The following SRPK2 variants were observed in gnomAD, a reference collection of about 807,000 sequenced individuals.
The protein encoded by SRPK2 is SFRS protein kinase 2.
Under a neutral mutation model 90.8 loss-of-function variants are expected in SRPK2, and 21 were observed. The ratio of observed to expected loss-of-function variants is 0.23; its 90% confidence interval spans 0.16 to 0.33. The LOEUF (loss-of-function observed/expected upper bound fraction) is 0.33, where lower values mean the gene tolerates loss of function less well. SRPK2 is among the 10% of genes least tolerant of loss of function. SRPK2 has a pLI of 1.00. For missense variants in SRPK2, 620 were observed against 869.0 expected, an observed-to-expected ratio of 0.71 and a Z score of 3.60; for synonymous variants, 288 against 311.1, an observed-to-expected ratio of 0.93 and a Z score of 0.78.
intron 2 of SRPK2, among the ~76,000 whole-genome samples, chr7:105,213,871 C>T (rs1456158800): frequency 6.6e-6 from 1 of 152,124 alleles, no homozygotes; most frequent in African/African-American, 2.4e-5. Context: ...TTTACACAAG[C>T]CTTCTGCAAA....
In SRPK2 at chr7:105,131,139, A is replaced by C. The variant is rs1008233697; in HGVS notation, c.1752+1652T>G. 3.3e-5 allele frequency among the ~76,000 whole-genome samples: 5 copies of C among 152,204 alleles called. No individual in the cohort carries two copies. The East Asian group carries it at 7.7e-4, about 23-fold the overall frequency. On this transcript the variant is annotated intron_variant, in intron 13 of 15. Transcript: ENST00000393651. The stretch of plus-strand genomic sequence containing the variant: ...TTTTTCTGGTTATATCACCAAACTT[A>C]ATACCCCAAATTAGAAGCACAGCAT...
intron 2 of SRPK2, among the ~76,000 whole-genome samples, chr7:105,247,316 G>GTTT (rs1801799139): frequency 6.6e-6 from 1 of 151,972 alleles, no homozygotes; most frequent in East Asian, 1.9e-4. Context: ...TCACTTTTTC[G>GTTT]TCTGTAAAAT....
At chr7:105,222,277 T>C (rs985045257) in intron 2 of SRPK2, among the ~76,000 whole-genome samples, 4 of 152,238 alleles carry the variant, frequency 2.6e-5, no homozygotes, top group African/African-American at 4.8e-5. Flanking sequence ...AGAATCTTTA[T>C]TGGCAGTTAA....
intron 2 of SRPK2, chr7:105,306,733 T>G (rs1811188470): frequency 9.7e-6 from 2 of 205,138 alleles, no homozygotes; most frequent in South Asian, 6.9e-5. Flanking sequence ...ATCTCTAACT[T>G]AAGTGGAGAA....
intron 2 of SRPK2, among the ~76,000 whole-genome samples, chr7:105,373,129 C>G (rs1819884324): frequency 6.6e-6 from 1 of 152,078 alleles, no homozygotes; most frequent in African/African-American, 2.4e-5. Flanking sequence ...GTAATACAAA[C>G]AGAGCAAGAC....
chr7:105,376,374 T>C (rs1820300053), intron 2 of SRPK2, among the ~76,000 whole-genome samples: 1 of 151,408 alleles, frequency 6.6e-6, no homozygotes, highest in Non-Finnish European at 1.5e-5. Flanking sequence ...CAAAGAGTTG[T>C]AGTCCGTCTA....
intron 6 of SRPK2, among the ~76,000 whole-genome samples, chr7:105,163,453 T>C (rs1052937557): frequency 1.3e-5 from 2 of 152,084 alleles, no homozygotes; most frequent in African/African-American, 4.8e-5. Context: ...GAGATAATGT[T>C]GAAGATGAAG....
chr7:105,158,027 T>C (rs1485576283), intron 7 of SRPK2, among the ~76,000 whole-genome samples: 3 of 152,166 alleles, frequency 2.0e-5, no homozygotes, highest in African/African-American at 7.2e-5. Context: ...GACTGACCAG[T>C]GCACTCCAGC....
rs1816457431 is a variant in SRPK2, at chr7:105,346,377, A to C, written c.71+42271T>G. ...ATGCAGAAAACAGCTCCTGCTTGTCACCTCTGCATGGTGACTGGAACACAG... is the reference window on the plus strand; with the variant it reads ...ATGCAGAAAACAGCTCCTGCTTGTCCCCTCTGCATGGTGACTGGAACACAG... On this transcript the variant is annotated intron_variant, in intron 2 of 15. Coordinates refer to ENST00000393651, the MANE Select transcript of SRPK2 (RefSeq NM_182692.3). Among the ~76,000 whole-genome samples the C allele has an allele frequency of 1.3e-5, 2 of 151,992 alleles. 1 individual carries two copies. Among genetic ancestry groups the C allele is most frequent in the South Asian group, 4.1e-4 (2 of 4,830 alleles).
chr7:105,385,162 G>A (rs1347113164), intron 2 of SRPK2, among the ~76,000 whole-genome samples: 8 of 119,496 alleles, frequency 6.7e-5, no homozygotes, highest in Non-Finnish European at 8.3e-5. Context: ...GTGAGCCACC[G>A]CGCCCGGCAT....
chr7:105,121,718 G>A (rs1306497355), intron 15 of SRPK2, among the ~76,000 whole-genome samples: 1 of 152,232 alleles, frequency 6.6e-6, no homozygotes, highest in East Asian at 1.9e-4. Context: ...GCAGAGTAAA[G>A]GCTTTGTGAC....
At chr7:105,175,104 C>A (rs2129592770) in intron 3 of SRPK2, among the ~76,000 whole-genome samples, 1 of 151,074 alleles carries the variant, frequency 6.6e-6, no homozygotes, top group South Asian at 2.1e-4. Flanking sequence ...CACACCACTG[C>A]ACTGCAGCCT....
chr7:105,252,564 G>A (rs1750546150), intron 2 of SRPK2, among the ~76,000 whole-genome samples: 1 of 152,086 alleles, frequency 6.6e-6, no homozygotes. Flanking sequence ...AGGTTTTACT[G>A]ATATTATACT....
intron 3 of SRPK2, among the ~76,000 whole-genome samples, chr7:105,176,794 C>T (rs1269537117): frequency 1.3e-5 from 2 of 150,874 alleles, no homozygotes; most frequent in Non-Finnish European, 2.9e-5. Flanking sequence ...TATACCACGC[C>T]TGGCTAATTT....
Position 105,316,338 on chromosome 7 carries a change from A to G in SRPK2, c.71+72310T>C, listed in dbSNP as rs560724168. On this transcript the variant is annotated intron_variant, in intron 2 of 15. Coordinates refer to ENST00000393651, the MANE Select transcript of SRPK2 (RefSeq NM_182692.3). Reference sequence around the variant, plus strand: ...CTCAAATTACTGTGCATTAAGGCCTAGGAAATAGCATTAACTTCGGTAGTA... The same window carrying G: ...CTCAAATTACTGTGCATTAAGGCCTGGGAAATAGCATTAACTTCGGTAGTA... Among the ~76,000 whole-genome samples, 4 of 152,324 alleles carry G rather than the reference A, an allele frequency of 2.6e-5. No individual in the cohort carries two copies. The East Asian group carries it at 7.7e-4, about 29-fold the overall frequency.
At chr7:105,179,214 G>A (rs924601213) in intron 3 of SRPK2, among the ~76,000 whole-genome samples, 4 of 152,106 alleles carry the variant, frequency 2.6e-5, no homozygotes, top group African/African-American at 7.2e-5. Context: ...CAGGGATGTC[G>A]ATTTGAATAT....
Position 105,388,843 on chromosome 7 carries a change from C to A in SRPK2, c.-37G>T, listed in dbSNP as rs1821982555. ...GGAAGCGGGGCGGGGGGCTTCGCGACGGCGACGCGGGCGCCGAGACGAGCT... is the reference window on the plus strand; with the variant it reads ...GGAAGCGGGGCGGGGGGCTTCGCGAAGGCGACGCGGGCGCCGAGACGAGCT... On this transcript the variant is annotated 5_prime_UTR_variant, in exon 1 of 16. Coordinates refer to ENST00000393651, the MANE Select transcript of SRPK2 (RefSeq NM_182692.3). The A allele has an allele frequency of 7.6e-7, 1 of 1,319,198 alleles. No individual in the cohort carries two copies. Among genetic ancestry groups the A allele is most frequent in the East Asian group, 3.1e-5 (1 of 32,116 alleles). The allele number at this position is 1,319,198 out of a possible 1,614,324, so 81.7% of individuals were successfully genotyped here.
intron 2 of SRPK2, among the ~76,000 whole-genome samples, chr7:105,321,816 T>C (rs529129722): frequency 6.6e-6 from 1 of 152,264 alleles, no homozygotes; most frequent in African/African-American, 2.4e-5. Flanking sequence ...CTGGAAAATA[T>C]GTGGAGAAAT....
intron 3 of SRPK2, among the ~76,000 whole-genome samples, chr7:105,203,201 G>C (rs910918226): frequency 1.3e-5 from 2 of 151,988 alleles, no homozygotes; most frequent in African/African-American, 4.8e-5. Flanking sequence ...CATTGCCCAG[G>C]CTGGTCTTGA....
Sources: allele counts gnomAD v4.1 joint callset (sites outside exome capture counted in the v4.1 genomes callset), GRCh38; gene constraint gnomAD v4.1.1; transcripts MANE v1.5; gene names NCBI Gene and HGNC (gene_info 2026-07-23, HGNC 2026-07-21).